TBC1D19: variants seen among roughly 807,000 people sequenced by gnomAD.
TBC1D19 encodes the protein TBC1 domain family member 19.
TBC1D19 carries 60 observed loss-of-function variants against 89.0 expected under a neutral mutation model. The ratio of observed to expected loss-of-function variants is 0.67; its 90% CI spans 0.55 to 0.84. The LOEUF (loss-of-function observed/expected upper bound fraction) is 0.84. Among genes scored for constraint, TBC1D19 ranks in the 40% least tolerant of loss-of-function variants. TBC1D19 has a pLI of 0.00. For missense variants in TBC1D19, 500 were observed against 610.8 expected, an observed-to-expected ratio of 0.82 and a Z score of 1.91; for synonymous variants, 189 against 199.7, an observed-to-expected ratio of 0.95 and a Z score of 0.45.
the TBC1D19 span, among the ~76,000 whole-genome samples, chr4:26,796,594 G>A: frequency 3.3e-5 from 5 of 152,272 alleles, no homozygotes; most frequent in Admixed American, 3.3e-4. Flanking sequence ...AGCACTTTGG[G>A]AGGCTGAGGC....
chr4:26,674,035 C>A, intron 11 of TBC1D19, 147 bp downstream of exon 11: 1 of 506,348 alleles, frequency 2.0e-6, no homozygotes, highest in Non-Finnish European at 3.6e-6. Context: ...GTTTTAGGTT[C>A]TAAAATAAGA....
At chr4:26,839,988 C>T in the TBC1D19 span, among the ~76,000 whole-genome samples, 2 of 152,124 alleles carry the variant, frequency 1.3e-5, no homozygotes, top group Non-Finnish European at 1.5e-5. Flanking sequence ...ATGTGGACAC[C>T]GCATTGATAA....
At chr4:26,771,458 G>A in the TBC1D19 span, among the ~76,000 whole-genome samples, 2 of 152,108 alleles carry the variant, frequency 1.3e-5, no homozygotes, top group Admixed American at 6.6e-5. Flanking sequence ...AAGAAAGGTG[G>A]TATATACATA....
chr4:26,750,799 TA>T (rs1718908600), intron 19 of TBC1D19, among the ~76,000 whole-genome samples: 1 of 152,216 alleles, frequency 6.6e-6, no homozygotes, highest in Non-Finnish European at 1.5e-5. Flanking sequence ...ACAGGGTAGA[TA>T]ATTTCATGTA....
chr4:26,697,378 C>G (rs1040530315), intron 13 of TBC1D19, among the ~76,000 whole-genome samples: 1 of 152,060 alleles, frequency 6.6e-6, no homozygotes, highest in African/African-American at 2.4e-5. Flanking sequence ...TAATGGCCTA[C>G]CAACCAAAAG....
At chr4:26,744,685 T>G (rs989422263) in intron 18 of TBC1D19, among the ~76,000 whole-genome samples, 2 of 152,142 alleles carry the variant, frequency 1.3e-5, no homozygotes, top group African/African-American at 4.8e-5. Context: ...TGGAAAGCTA[T>G]CTTTCTGGCA....
intron 9 of TBC1D19, 144 bp downstream of exon 9, chr4:26,666,549 T>C (rs899634808): frequency 5.0e-5 from 29 of 575,058 alleles, no homozygotes; most frequent in African/African-American, 5.0e-4. Flanking sequence ...CTGTTATTTA[T>C]TGAATAGAAT....
At chr4:26,749,763 T>C (rs1303817401) in intron 19 of TBC1D19, among the ~76,000 whole-genome samples, 1 of 152,110 alleles carries the variant, frequency 6.6e-6, no homozygotes, top group Non-Finnish European at 1.5e-5. Flanking sequence ...TATTCTTGAA[T>C]GCTGAGAAGT....
chr4:26,757,768 T>A (rs1230661966), downstream of TBC1D19, among the ~76,000 whole-genome samples: 1 of 152,200 alleles, frequency 6.6e-6, no homozygotes, highest in East Asian at 1.9e-4. Context: ...CCCCCAGATT[T>A]ATCTCCTTCC....
chr4:26,844,944 C>T, the TBC1D19 span, among the ~76,000 whole-genome samples: 6 of 152,104 alleles, frequency 3.9e-5, no homozygotes, highest in East Asian at 3.8e-4. Context: ...TACCAAGAAC[C>T]TCTGTTTTGT....
chr4:26,710,325 T>A (rs572015334), intron 13 of TBC1D19, among the ~76,000 whole-genome samples: 2 of 152,318 alleles, frequency 1.3e-5, no homozygotes, highest in African/African-American at 4.8e-5. Flanking sequence ...AATGATGGTT[T>A]CTAGCTTCAT....
intron 11 of TBC1D19, among the ~76,000 whole-genome samples, chr4:26,675,093 A>G (rs1182721211): frequency 6.6e-6 from 1 of 152,088 alleles, no homozygotes; most frequent in Non-Finnish European, 1.5e-5. Context: ...ATAGTTTATA[A>G]AATAGTTTTG....
the TBC1D19 span, among the ~76,000 whole-genome samples, chr4:26,773,751 G>C: frequency 6.6e-6 from 1 of 152,242 alleles, no homozygotes; most frequent in South Asian, 2.1e-4. Flanking sequence ...TTTTTGTCAG[G>C]ATTGTCAAAG....
chr4:26,851,470 C>T, the TBC1D19 span, among the ~76,000 whole-genome samples: 1 of 152,104 alleles, frequency 6.6e-6, no homozygotes, highest in Non-Finnish European at 1.5e-5. Context: ...GGAGAGTGGA[C>T]TGATTCCAGG....
chr4:26,848,551 CTG>C, the TBC1D19 span, among the ~76,000 whole-genome samples: 1 of 152,300 alleles, frequency 6.6e-6, no homozygotes, highest in Admixed American at 6.5e-5. Context: ...GGAATGAACA[CTG>C]AGACAAAAGA....
At chr4:26,793,704 CAG>C in the TBC1D19 span, among the ~76,000 whole-genome samples, 3 of 125,148 alleles carry the variant, frequency 2.4e-5, no homozygotes, top group South Asian at 7.8e-4. Flanking sequence ...GCCTGGGAGA[CAG>C]AGTGGGACTT....
the TBC1D19 span, among the ~76,000 whole-genome samples, chr4:26,857,423 G>C: frequency 1.8e-4 from 27 of 152,230 alleles, no homozygotes; most frequent in Non-Finnish European, 3.1e-4. Flanking sequence ...AGTCAAAGAC[G>C]GGAAGGAGAA....
intron 1 of TBC1D19, among the ~76,000 whole-genome samples, chr4:26,600,698 C>G (rs573287143): frequency 6.5e-4 from 99 of 152,260 alleles, no homozygotes; most frequent in Non-Finnish European, 8.4e-4. Context: ...GGGATGTCAG[C>G]AAAAGAAAAC....
At position 26,672,157 on chromosome 4, in the gene TBC1D19, G is replaced by T. The variant is rs1712373047; in HGVS notation, c.673G>T (p.Glu225Ter). The T allele has an allele frequency of 7.4e-6, 9 of 1,221,316 alleles. No homozygotes were observed. The highest frequency in any genetic ancestry group is 1.3e-5 in the South Asian group (1 of 75,532). The allele number at this position is 1,221,316 out of a possible 1,614,324, so 75.7% of individuals were successfully genotyped here. ...DSTQVPPELF[E>*]NEHVRIGQKV... ...TTTTTTTTAATTTTTAGAACTTTTT[G>T]AAAATGAACATGTACGTATTGGGCA... The change falls in exon 10 of 21, where the codon GAA becomes TAA. Residue 225 changes from glutamate to a stop codon, truncating the protein, a stop_gained. Transcript: ENST00000264866. LOFTEE classifies it high-confidence loss of function.
Sources: gnomAD v4.1 joint callset for allele counts (sites outside exome capture counted in the v4.1 genomes callset) on GRCh38, gnomAD v4.1.1 for gene constraint, MANE v1.5 for transcripts, NCBI Gene and HGNC (gene_info 2026-07-23, HGNC 2026-07-21) for gene names.